PDLIM1: variants seen among roughly 807,000 people sequenced by gnomAD.
PDLIM1 encodes the protein PDZ and LIM domain 1.
Under a neutral mutation model 35.2 loss-of-function variants are expected in PDLIM1, and 25 were observed. That is an observed-to-expected ratio of 0.71 (90% CI 0.52 to 0.99). The LOEUF is 0.99. Ranked by LOEUF, PDLIM1 falls within the 50% of genes least tolerant of loss-of-function variation. The pLI, the probability that PDLIM1 is intolerant of heterozygous loss-of-function variation, is 0.00. For synonymous variants in PDLIM1, 152 were observed against 154.0 expected (o/e 0.99, Z 0.10); for missense variants, 363 against 415.3 (o/e 0.87, Z 1.09).
chr10:95,261,022 G>A (rs7068077), intron 4 of PDLIM1, among the ~76,000 whole-genome samples: 3,412 of 152,304 alleles, frequency 0.022, 120 homozygotes, highest in African/African-American at 0.075. Context: ...AGAGTGCGGG[G>A]TGGAACAGAA....
chr10:95,279,804 A>G (rs1402941973), intron 1 of PDLIM1, among the ~76,000 whole-genome samples: 1 of 152,230 alleles, frequency 6.6e-6, no homozygotes, highest in African/African-American at 2.4e-5. Context: ...TAATTCTCAT[A>G]GGCAAAGAAA....
intron 1 of PDLIM1, among the ~76,000 whole-genome samples, chr10:95,286,011 T>C (rs1331630689): frequency 6.6e-6 from 1 of 152,230 alleles, no homozygotes; most frequent in Non-Finnish European, 1.5e-5. Flanking sequence ...CAGTGTTTTC[T>C]AAATCAACTT....
chr10:95,252,260 C>A (rs531366815), intron 4 of PDLIM1, among the ~76,000 whole-genome samples: 45 of 152,250 alleles, frequency 3.0e-4, no homozygotes, highest in South Asian at 1.9e-3. Context: ...ACCACTCACC[C>A]ATAAGGTGTC....
At chr10:95,240,747 A>G (rs1484485546) in intron 5 of PDLIM1, among the ~76,000 whole-genome samples, 1 of 152,234 alleles carries the variant, frequency 6.6e-6, no homozygotes, top group Non-Finnish European at 1.5e-5. Context: ...CAGCAGGCAG[A>G]TAACAATCAT....
At chr10:95,244,941 T>C (rs1034929347) in intron 5 of PDLIM1, among the ~76,000 whole-genome samples, 1 of 152,122 alleles carries the variant, frequency 6.6e-6, no homozygotes, top group African/African-American at 2.4e-5. Context: ...TTTGGGTTCC[T>C]TCCCCGAAGA....
At chr10:95,249,594 C>T (rs1003558573) in intron 4 of PDLIM1, among the ~76,000 whole-genome samples, 10 of 152,170 alleles carry the variant, frequency 6.6e-5, no homozygotes, top group Non-Finnish European at 1.3e-4. Flanking sequence ...ATATCAGTTA[C>T]GCTTACTCAT....
chr10:95,286,938 C>A (rs6583989), intron 1 of PDLIM1, among the ~76,000 whole-genome samples: 1 of 152,050 alleles, frequency 6.6e-6, no homozygotes, highest in South Asian at 2.1e-4. Flanking sequence ...ATGACCCAGA[C>A]GCTTAGATGA....
intron 4 of PDLIM1, among the ~76,000 whole-genome samples, chr10:95,259,724 A>G (rs1421564390): frequency 1.3e-5 from 2 of 152,224 alleles, no homozygotes; most frequent in Non-Finnish European, 2.9e-5. Flanking sequence ...GGTTAACATC[A>G]TCCTTGTGAT....
At chr10:95,245,272 C>T (rs540276490) in intron 5 of PDLIM1, among the ~76,000 whole-genome samples, 18 of 152,312 alleles carry the variant, frequency 1.2e-4, no homozygotes, top group South Asian at 4.1e-4. Context: ...TGGAACTCCC[C>T]GGTTAGCATT....
intron 1 of PDLIM1, among the ~76,000 whole-genome samples, chr10:95,287,246 A>G (rs779936812): frequency 6.6e-6 from 1 of 152,114 alleles, no homozygotes; most frequent in Non-Finnish European, 1.5e-5. Flanking sequence ...AAACATAATG[A>G]CCCTTTTTGG....
chr10:95,275,378 G>C (rs1179574564), intron 1 of PDLIM1, among the ~76,000 whole-genome samples: 1 of 152,146 alleles, frequency 6.6e-6, no homozygotes, highest in Admixed American at 6.5e-5. Context: ...CCCCTGTCTT[G>C]ATAAATCAGC....
chr10:95,262,463 G>A (rs570124301), intron 4 of PDLIM1, among the ~76,000 whole-genome samples: 82 of 151,968 alleles, frequency 5.4e-4, no homozygotes, highest in Non-Finnish European at 5.0e-4. Context: ...GGAGATTTCC[G>A]AAAAAAAGAG....
intron 2 of PDLIM1, among the ~76,000 whole-genome samples, chr10:95,269,769 T>A (rs759855580): frequency 2.2e-4 from 33 of 152,120 alleles, no homozygotes; most frequent in Non-Finnish European, 3.4e-4. Flanking sequence ...TCTCGCTCTG[T>A]CGCCCAGGCT....
At chr10:95,267,587 A>G (rs1169632625) in intron 3 of PDLIM1, among the ~76,000 whole-genome samples, 1 of 152,196 alleles carries the variant, frequency 6.6e-6, no homozygotes, top group African/African-American at 2.4e-5. Context: ...TGGGATTTTT[A>G]ATAATTATTT....
At position 95,247,339 on chromosome 10, in the gene PDLIM1, G is replaced by C; in HGVS notation, c.561C>G (p.Ser187Arg). The change falls in exon 5 of 7, where the codon AGC becomes AGG. Residue 187 changes from serine to arginine, a missense_variant. By Grantham distance (110) the Ser-to-Arg change is moderately radical. Coordinates refer to ENST00000329399, the MANE Select transcript of PDLIM1 (RefSeq NM_020992.4). ...CTTCAGATTCTTTGTCGATGACAAGGCTGCTTGGAGGCTGAGCATGGTCTA... is the reference window on the plus strand; with the variant it reads ...CTTCAGATTCTTTGTCGATGACAAGCCTGCTTGGAGGCTGAGCATGGTCTA... ...RPLDHAQPPS[S>R]LVIDKESEVY... 2 of 1,613,998 alleles carry C rather than the reference G, an allele frequency of 1.2e-6. No homozygotes were observed. Among genetic ancestry groups the C allele is most frequent in the Non-Finnish European group, 1.7e-6 (2 of 1,179,908 alleles).
intron 1 of PDLIM1, among the ~76,000 whole-genome samples, chr10:95,280,802 C>T (rs2035554981): frequency 6.6e-6 from 1 of 152,188 alleles, no homozygotes; most frequent in East Asian, 1.9e-4. Context: ...AACCTTGCCC[C>T]TTGGAGTTGG....
At chr10:95,260,230 AG>A (rs1741327122) in intron 4 of PDLIM1, among the ~76,000 whole-genome samples, 1 of 152,244 alleles carries the variant, frequency 6.6e-6, no homozygotes, top group African/African-American at 2.4e-5. Flanking sequence ...ACTGAGTTTC[AG>A]AGATGTTACA....
chr10:95,271,252 C>T (rs2133432245), intron 2 of PDLIM1, among the ~76,000 whole-genome samples: 1 of 151,558 alleles, frequency 6.6e-6, no homozygotes, highest in African/African-American at 2.4e-5. Context: ...GCCTGGCCAA[C>T]ATGGTGAAAC....
chr10:95,278,301 G>A (rs767703071), intron 1 of PDLIM1, among the ~76,000 whole-genome samples: 6 of 152,190 alleles, frequency 3.9e-5, no homozygotes, highest in East Asian at 1.9e-4. Flanking sequence ...AGGCTGTTGC[G>A]AGGATTACAT....
Sources: gnomAD v4.1 joint callset for allele counts (sites outside exome capture counted in the v4.1 genomes callset) on GRCh38, gnomAD v4.1.1 for gene constraint, MANE v1.5 for transcripts, NCBI Gene and HGNC (gene_info 2026-07-23, HGNC 2026-07-21) for gene names.